The following EPG5 variants were observed in gnomAD, a reference collection of about 807,000 sequenced individuals.
EPG5 encodes ectopic P granules protein 5 homolog.
A neutral mutation model predicts 302.7 loss-of-function variants in EPG5; 159 were observed. The ratio of observed to expected loss-of-function variants is 0.53; its 90% CI spans 0.46 to 0.60. The LOEUF is 0.60. Among genes scored for constraint, EPG5 ranks in the 20% least tolerant of loss-of-function variants. EPG5 has a pLI of 0.00. For missense variants in EPG5, 2,896 were observed against 3,092.4 expected (o/e 0.94, Z 1.51); for synonymous variants, 1,158 against 1,136.8 (o/e 1.02, Z -0.37).
At chr18:45,904,999 A>T (rs950017167) in intron 24 of EPG5, among the ~76,000 whole-genome samples, 11 of 152,274 alleles carry the variant, frequency 7.2e-5, no homozygotes, top group Middle Eastern at 3.4e-3. Context: ...TGCCCATTAT[A>T]CTGCTCTCCC....
chr18:45,802,056 C>T, the EPG5 span, among the ~76,000 whole-genome samples: 1 of 152,118 alleles, frequency 6.6e-6, no homozygotes, highest in African/African-American at 2.4e-5. Flanking sequence ...CCACTCCCTC[C>T]TACCCCCAGC....
At chr18:45,947,285 T>C (rs9964347) in intron 6 of EPG5, among the ~76,000 whole-genome samples, 45,105 of 151,836 alleles carry the variant, frequency 0.3, 9,304 homozygotes, top group African/African-American at 0.57. Flanking sequence ...TGGTGGCACA[T>C]GCCTGCAGTC....
chr18:45,835,943 T>C, the EPG5 span, among the ~76,000 whole-genome samples: 3 of 152,206 alleles, frequency 2.0e-5, no homozygotes, highest in African/African-American at 7.2e-5. Flanking sequence ...AGGATAGTCA[T>C]GACAAGACCC....
the EPG5 span, among the ~76,000 whole-genome samples, chr18:45,808,051 A>T: frequency 9.9e-5 from 15 of 152,224 alleles, no homozygotes; most frequent in Non-Finnish European, 2.1e-4. Context: ...AAACTTCAGG[A>T]AACAATGGAC....
In EPG5 at chr18:45,866,797, C is replaced by T. The variant is rs2048757326; in HGVS notation, c.6621+1G>A. 1 of 1,611,590 alleles carries T rather than the reference C, an allele frequency of 6.2e-7. No homozygotes were observed. On this transcript the variant is annotated splice_donor_variant, in intron 38 of 43. Transcript: ENST00000282041. LOFTEE classifies it high-confidence loss of function. ...GCCTTTTAAACTACCTCTCAACTTACAAGATGCTTCTGGCTGTCAGTAGGA... is the reference window on the plus strand; with the variant it reads ...GCCTTTTAAACTACCTCTCAACTTATAAGATGCTTCTGGCTGTCAGTAGGA...
intron 1 of EPG5, among the ~76,000 whole-genome samples, chr18:45,964,356 G>C (rs1055409378): frequency 1.3e-5 from 2 of 152,134 alleles, no homozygotes; most frequent in African/African-American, 2.4e-5. Flanking sequence ...GTTCTCTCAC[G>C]AACTGCATGA....
At chr18:45,820,842 A>G in the EPG5 span, among the ~76,000 whole-genome samples, 2 of 152,204 alleles carry the variant, frequency 1.3e-5, no homozygotes, top group Non-Finnish European at 2.9e-5. Flanking sequence ...ATAAATCACA[A>G]TGGCTTCTGA....
In EPG5 at chr18:45,902,047, G is replaced by A. The variant is rs554630154; in HGVS notation, c.4475-880C>T. On this transcript the variant is annotated intron_variant, in intron 25 of 43. Coordinates refer to ENST00000282041, the MANE Select transcript of EPG5 (RefSeq NM_020964.3). ...TTCTTTTCAATAGCAAGAAACAGAG[G>A]AAGGCAGTGGTCAAGGGAATTTCAA... Among the ~76,000 whole-genome samples the A allele has an allele frequency of 3.9e-5, 6 of 152,300 alleles. No individual in the cohort carries two copies. In the South Asian group the frequency reaches 1.2e-3, roughly 32 times the overall value.
chr18:45,952,585 A>G lies in EPG5; in HGVS notation c.1067T>C (p.Met356Thr), dbSNP rs1487152902. The G allele has an allele frequency of 1.2e-6, 2 of 1,614,046 alleles. No homozygotes were observed. Among genetic ancestry groups the G allele is most frequent in the Non-Finnish European group, 1.7e-6 (2 of 1,180,022 alleles). ...TAGCTCCACCAGTGCATTTTCATTC[A>G]TTTCTACTCTTTGGTAGCGATGATA... Reference protein sequence around the residue: ...FSYHRYQRVEMNENALVELKK... With the variant: ...FSYHRYQRVETNENALVELKK... Residue 356 changes from methionine to threonine, a missense_variant, in exon 3 of 44, where the codon ATG becomes ACG. This residue lies in a region of EPG5 where 1,390 missense variants were observed against 1,430.0 expected (regional missense o/e 0.97). Transcript: ENST00000282041.
At chr18:45,944,463 A>C (rs796228386) in intron 7 of EPG5, among the ~76,000 whole-genome samples, 1 of 152,134 alleles carries the variant, frequency 6.6e-6, no homozygotes, top group Non-Finnish European at 1.5e-5. Flanking sequence ...CAATTAAAGA[A>C]CCACAGATGG....
the EPG5 span, among the ~76,000 whole-genome samples, chr18:45,820,677 G>T: frequency 1.3e-5 from 2 of 152,152 alleles, no homozygotes; most frequent in Non-Finnish European, 2.9e-5. Context: ...AATCAAACCT[G>T]CTTACAAGTG....
At chr18:45,830,673 C>T in the EPG5 span, among the ~76,000 whole-genome samples, 2 of 149,318 alleles carry the variant, frequency 1.3e-5, no homozygotes, top group South Asian at 4.2e-4. Flanking sequence ...GCAACCTCCG[C>T]CTCCCAGGTT....
At position 45,927,633 on chromosome 18, in the gene EPG5, C is replaced by T. The variant is rs567155660; in HGVS notation, c.2553+1236G>A. 5.9e-5 allele frequency among the ~76,000 whole-genome samples: 9 copies of T among 151,376 alleles called. No homozygotes were observed. In the South Asian group the frequency reaches 1.9e-3, roughly 32 times the overall value. On this transcript the variant is annotated intron_variant, in intron 13 of 43. Coordinates refer to ENST00000282041, the MANE Select transcript of EPG5 (RefSeq NM_020964.3). The stretch of plus-strand genomic sequence containing the variant: ...ACACACACACACACACACACACACA[C>T]GCACCAAGGAATTATTATACAGGCT...
At chr18:45,901,222 C>T in intron 25 of EPG5, 55 bp from the exon 26 acceptor site, 1 of 1,473,472 alleles carries the variant, frequency 6.8e-7, no homozygotes, top group Admixed American at 1.7e-5. Context: ...AGCAGGAGAA[C>T]AGAAGCATGT....
At chr18:45,818,261 T>A in the EPG5 span, among the ~76,000 whole-genome samples, 781 of 151,688 alleles carry the variant, frequency 5.1e-3, 1 homozygote, top group Non-Finnish European at 8.4e-3. Flanking sequence ...ATTTTATTTT[T>A]TTTTTTTGTT....
chr18:45,865,988 T>C (rs2048738432), intron 38 of EPG5, among the ~76,000 whole-genome samples: 1 of 152,196 alleles, frequency 6.6e-6, no homozygotes. Flanking sequence ...TGTGGCAGAA[T>C]ACTCTTCCTT....
chr18:45,870,969 G>T (rs2048859967), intron 35 of EPG5, among the ~76,000 whole-genome samples: 1 of 152,060 alleles, frequency 6.6e-6, no homozygotes, highest in African/African-American at 2.4e-5. Flanking sequence ...ATGCTGTGTG[G>T]GAAATAATCA....
intron 43 of EPG5, among the ~76,000 whole-genome samples, chr18:45,853,851 T>C (rs1314748206): frequency 2.6e-5 from 4 of 152,212 alleles, no homozygotes. Flanking sequence ...TGTCCCTCTG[T>C]CTCTCTCCCT....
intron 43 of EPG5, among the ~76,000 whole-genome samples, chr18:45,854,456 G>A (rs2048473621): frequency 6.6e-6 from 1 of 152,208 alleles, no homozygotes; most frequent in Non-Finnish European, 1.5e-5. Context: ...CCTGGAGCCA[G>A]ACTGGCCAGT....
Sources: gnomAD v4.1 joint callset for allele counts (sites outside exome capture counted in the v4.1 genomes callset) on GRCh38, gnomAD v4.1.1 for gene constraint, gnomAD v4.1.1 regional missense constraint, MANE v1.5 for transcripts, NCBI Gene and HGNC (gene_info 2026-07-23, HGNC 2026-07-21) for gene names.